LGSN: variants seen among roughly 807,000 people sequenced by gnomAD.
LGSN encodes the protein lengsin.
LGSN carries 21 observed loss-of-function variants against 19.5 expected under a neutral mutation model. That is an observed-to-expected ratio of 1.07 (90% CI 0.76 to 1.55). The LOEUF (loss-of-function observed/expected upper bound fraction) is 1.55. Among genes scored for constraint, LGSN ranks in the 40% most tolerant of loss-of-function variants. LGSN has a pLI of 0.00. For missense variants in LGSN, 673 were observed against 608.5 expected (o/e 1.11, Z -1.12); for synonymous variants, 257 against 215.6 (o/e 1.19, Z -1.68).
the LGSN span, among the ~76,000 whole-genome samples, chr6:63,488,235 A>G: frequency 1.3e-5 from 2 of 152,190 alleles, no homozygotes; most frequent in Non-Finnish European, 2.9e-5. Context: ...AAATGATAAT[A>G]CCTACTACTG....
the LGSN span, chr6:63,441,296 G>T: frequency 2.2e-6 from 1 of 453,176 alleles, no homozygotes; most frequent in African/African-American, 2.0e-5. Flanking sequence ...ACAAGCCGCA[G>T]CACCCACCAG....
At chr6:63,412,240 G>A in the LGSN span, among the ~76,000 whole-genome samples, 3 of 151,558 alleles carry the variant, frequency 2.0e-5, no homozygotes, top group Non-Finnish European at 2.9e-5. Context: ...GGTGGCAGAA[G>A]CCTGTAATCC....
At chr6:63,551,686 C>A in the LGSN span, among the ~76,000 whole-genome samples, 1 of 150,592 alleles carries the variant, frequency 6.6e-6, no homozygotes, top group East Asian at 2.0e-4. Flanking sequence ...TCCCTCCCCC[C>A]TCCCCCTACC....
chr6:63,535,886 C>A, the LGSN span, among the ~76,000 whole-genome samples: 1 of 152,198 alleles, frequency 6.6e-6, no homozygotes, highest in Admixed American at 6.5e-5. Flanking sequence ...AATTCTCCTG[C>A]TTCAGCCTCC....
Position 63,294,897 on chromosome 6 carries a change from C to G in LGSN, c.163+16G>C. The stretch of plus-strand genomic sequence containing the variant: ...TCTGACCACACCATTTTTGAGGACT[C>G]AGAGTAGTTAGATACCATTTGAATT... On this transcript the variant is annotated intron_variant, in intron 2 of 3. Coordinates refer to ENST00000370657, the MANE Select transcript of LGSN (RefSeq NM_016571.3). 6 of 1,613,422 alleles carry G rather than the reference C, an allele frequency of 3.7e-6. No homozygotes were observed. Among genetic ancestry groups the G allele is most frequent in the Non-Finnish European group, 5.1e-6 (6 of 1,179,606 alleles).
chr6:63,478,927 CA>C, the LGSN span, among the ~76,000 whole-genome samples: 13 of 152,184 alleles, frequency 8.5e-5, no homozygotes, highest in African/African-American at 2.7e-4. Flanking sequence ...CATGATACCA[CA>C]GTGGTTACAA....
the LGSN span, among the ~76,000 whole-genome samples, chr6:63,500,348 G>A: frequency 6.6e-6 from 1 of 152,160 alleles, no homozygotes; most frequent in African/African-American, 2.4e-5. Context: ...CTTAAGAAGT[G>A]GACAGCTGGG....
In LGSN at chr6:63,295,135, T is replaced by A. The variant is rs1767934766; in HGVS notation, c.31-90A>T. On this transcript the variant is annotated intron_variant, in intron 1 of 3. Coordinates refer to ENST00000370657, the MANE Select transcript of LGSN (RefSeq NM_016571.3). Reference sequence around the variant, plus strand: ...GAAAGAGTATATTTGAATAGCTCAATTTTTTAATGAGCATAGAAGACTTTT... The same window carrying A: ...GAAAGAGTATATTTGAATAGCTCAAATTTTTAATGAGCATAGAAGACTTTT... The A allele has an allele frequency of 1.7e-5, 20 of 1,190,154 alleles. No homozygotes were observed. The South Asian group carries it at 2.5e-4, about 15-fold the overall frequency. The allele number at this position is 1,190,154 out of a possible 1,614,324, so 73.7% of individuals were successfully genotyped here. A position where few individuals can be genotyped will look rare whatever the true frequency, so the allele number is the denominator to read the frequency against.
intron 1 of LGSN, among the ~76,000 whole-genome samples, chr6:63,308,768 A>C (rs767334676): frequency 2.0e-5 from 3 of 152,196 alleles, no homozygotes; most frequent in South Asian, 4.1e-4. Context: ...AACCTCTGTT[A>C]GAAATAGTGG....
chr6:63,468,796 T>G, the LGSN span, among the ~76,000 whole-genome samples: 1 of 151,836 alleles, frequency 6.6e-6, no homozygotes, highest in African/African-American at 2.4e-5. Context: ...TTGTCCAGGC[T>G]AGGGTGCAAT....
the LGSN span, among the ~76,000 whole-genome samples, chr6:63,373,771 G>A: frequency 4.6e-5 from 7 of 152,134 alleles, no homozygotes; most frequent in Non-Finnish European, 7.4e-5. Context: ...TCAGAGGTTC[G>A]AGATCAGCCT....
At chr6:63,458,247 A>G in the LGSN span, among the ~76,000 whole-genome samples, 2 of 152,044 alleles carry the variant, frequency 1.3e-5, no homozygotes, top group Middle Eastern at 6.8e-3. Context: ...TTGTATTTTT[A>G]GTATAGACGG....
At chr6:63,497,319 C>A in the LGSN span, among the ~76,000 whole-genome samples, 24 of 151,980 alleles carry the variant, frequency 1.6e-4, no homozygotes, top group Non-Finnish European at 2.5e-4. Context: ...GAGGCCAAGG[C>A]GGGCGGATCA....
At chr6:63,369,446 C>A in the LGSN span, among the ~76,000 whole-genome samples, 2 of 152,252 alleles carry the variant, frequency 1.3e-5, no homozygotes, top group African/African-American at 4.8e-5. Context: ...GTGTGACAGG[C>A]AAAGTGGTAG....
At chr6:63,352,184 T>C in the LGSN span, among the ~76,000 whole-genome samples, 1 of 152,256 alleles carries the variant, frequency 6.6e-6, no homozygotes, top group Non-Finnish European at 1.5e-5. Flanking sequence ...AGACTTGTTT[T>C]AGAAATGCTT....
the LGSN span, among the ~76,000 whole-genome samples, chr6:63,423,751 GA>G: frequency 1.3e-5 from 2 of 151,960 alleles, no homozygotes; most frequent in African/African-American, 2.4e-5. Flanking sequence ...AAAACTGATA[GA>G]ACTGACCAGG....
the LGSN span, among the ~76,000 whole-genome samples, chr6:63,559,430 A>C: frequency 4.6e-5 from 7 of 151,926 alleles, no homozygotes; most frequent in Non-Finnish European, 1.0e-4. Context: ...TAAACGCAGC[A>C]AAAAAAATCA....
chr6:63,452,280 CCT>C, the LGSN span, among the ~76,000 whole-genome samples: 1 of 151,934 alleles, frequency 6.6e-6, no homozygotes, highest in African/African-American at 2.4e-5. Flanking sequence ...ACAGGATTGT[CCT>C]CTGTCACCTA....
intron 2 of LGSN, among the ~76,000 whole-genome samples, chr6:63,294,425 A>G (rs889303139): frequency 6.6e-6 from 1 of 152,186 alleles, no homozygotes; most frequent in Non-Finnish European, 1.5e-5. Context: ...TATGCTGGGA[A>G]TTCCTACTGT....
Sources: gnomAD v4.1 joint callset for allele counts (sites outside exome capture counted in the v4.1 genomes callset) on GRCh38, gnomAD v4.1.1 for gene constraint, MANE v1.5 for transcripts, NCBI Gene and HGNC (gene_info 2026-07-23, HGNC 2026-07-21) for gene names.